Variants in TNC observed in about 807,000 individuals in gnomAD.
TNC encodes the protein tenascin C.
Under a neutral mutation model 202.4 loss-of-function variants are expected in TNC, and 109 were observed. The observed-to-expected ratio is 0.54, with a 90% CI of 0.46 to 0.63. The LOEUF is 0.63. Among genes scored for constraint, TNC ranks in the 30% least tolerant of loss-of-function variants. The probability of loss-of-function intolerance (pLI) is 0.00; values close to 1 mark genes in which losing one functional copy is unlikely to be tolerated. For synonymous variants in TNC, 1,007 were observed against 1,089.7 expected (o/e 0.92, Z 1.50); for missense variants, 2,756 against 2,833.3 (o/e 0.97, Z 0.62).
intron 6 of TNC, among the ~76,000 whole-genome samples, chr9:115,078,751 A>C (rs1391030455): frequency 2.0e-5 from 3 of 152,164 alleles, no homozygotes; most frequent in Non-Finnish European, 4.4e-5. Context: ...AGTCATTGCT[A>C]TTTCAAGCCT....
At chr9:115,034,297 C>T (rs1830156717) in intron 22 of TNC, among the ~76,000 whole-genome samples, 2 of 152,242 alleles carry the variant, frequency 1.3e-5, no homozygotes, top group Non-Finnish European at 2.9e-5. Context: ...ACTGTGGGTA[C>T]TTGCCCAATC....
In TNC at chr9:115,086,723, G is replaced by A. The variant is rs1834773029; in HGVS notation, c.1008C>T (p.Phe336=). The A allele has an allele frequency of 6.2e-7, 1 of 1,613,924 alleles. No homozygotes were observed. Among genetic ancestry groups the A allele is most frequent in the African/African-American group, 1.3e-5 (1 of 74,948 alleles). The stretch of plus-strand genomic sequence containing the variant: ...TGGGTTTCCCGCAGTCTTCACCTGT[G>A]AAGCCTTCTTCGCAGTAGCAGGTGC... ...INGTCYCEEG[F]TGEDCGKPTC... is the part of the protein sequence containing the mutation. Residue 336 remains phenylalanine, a synonymous_variant, in exon 3 of 28, where the codon TTC becomes TTT. Transcript: ENST00000350763.
intron 1 of TNC, among the ~76,000 whole-genome samples, chr9:115,113,366 C>CATTGTGCAT (rs1837224245): frequency 6.6e-6 from 1 of 152,198 alleles, no homozygotes; most frequent in South Asian, 2.1e-4. Context: ...TTCAGCCTTA[C>CATTGTGCAT]ATTGTGCATA....
At position 115,057,407 on chromosome 9, in the gene TNC, C is replaced by A. The variant is rs375447277; in HGVS notation, c.4325G>T (p.Gly1442Val). 21 of 1,609,480 alleles carry A rather than the reference C, an allele frequency of 1.3e-5. No homozygotes were observed. The African/African-American group carries it at 2.7e-4, about 20-fold the overall frequency. Reference sequence around the variant, plus strand: ...AGTTATGTCAGAAACATTTAAGTTTCCAATTTCAGGTTCTTTGGCTGTAAA... The same window carrying A: ...AGTTATGTCAGAAACATTTAAGTTTACAATTTCAGGTTCTTTGGCTGTAAA... ...EASTAKEPEI[G>V]NLNVSDITPE... The change falls in exon 15 of 28, where the codon GGA (glycine) becomes GTA (valine). Residue 1442 changes from glycine to valine, a missense_variant. Physicochemically the swap from Gly to Val is moderately radical, Grantham distance 109. This residue lies in a region of TNC where 2,559 missense variants were observed against 2,546.0 expected (regional missense o/e 1.01). Coordinates refer to ENST00000350763, the MANE Select transcript of TNC (RefSeq NM_002160.4).
intron 1 of TNC, among the ~76,000 whole-genome samples, chr9:115,112,078 A>T (rs1156557825): frequency 6.6e-6 from 1 of 152,206 alleles, no homozygotes; most frequent in Non-Finnish European, 1.5e-5. Context: ...GATACTAGTC[A>T]TCCTTGGCTC....
chr9:115,079,841 A>T (rs542848447), intron 6 of TNC, among the ~76,000 whole-genome samples: 2 of 152,228 alleles, frequency 1.3e-5, no homozygotes, highest in South Asian at 4.1e-4. Context: ...TATTGACCTC[A>T]AAAGTAAGTA....
chr9:115,050,310 G>A (rs1831548991), intron 15 of TNC, among the ~76,000 whole-genome samples: 1 of 152,088 alleles, frequency 6.6e-6, no homozygotes, highest in Admixed American at 6.5e-5. Context: ...GATTAGCTGA[G>A]ACAATGCTGT....
In TNC at chr9:115,038,430, G is replaced by A. The variant is rs200117988; in HGVS notation, c.5393-50C>T. ...AGGGAAGTCATTGGGTGGGACATCA[G>A]ACTCTAGCTGCTCTGCTGTCCACAC... On this transcript the variant is annotated intron_variant, in intron 19 of 27. Coordinates refer to ENST00000350763, the MANE Select transcript of TNC (RefSeq NM_002160.4). 1.1e-5 allele frequency: 18 copies of A among 1,602,042 alleles called. No homozygotes were observed. In the Admixed American group the frequency reaches 3.0e-4, roughly 27 times the overall value.
At position 115,019,898 on chromosome 9, in the gene TNC, T is replaced by C. The variant is rs1828956436; in HGVS notation, c.*1259A>G. The stretch of plus-strand genomic sequence containing the variant: ...TCTGGGGATCTTAGCCCATGTGTGG[T>C]AACAATACTTACCTCAACTATATCA... On this transcript the variant is annotated 3_prime_UTR_variant, in exon 28 of 28. Coordinates refer to ENST00000350763, the MANE Select transcript of TNC (RefSeq NM_002160.4). 1 of 152,212 alleles carries C rather than the reference T, an allele frequency of 6.6e-6. No individual in the cohort carries two copies. Among genetic ancestry groups the C allele is most frequent in the African/African-American group, 2.4e-5 (1 of 41,452 alleles). 9.4% of individuals were successfully genotyped at this position (152,212 alleles called of 1,614,324 possible).
At chr9:115,092,224 G>C (rs926586861) in intron 1 of TNC, among the ~76,000 whole-genome samples, 4 of 152,216 alleles carry the variant, frequency 2.6e-5, no homozygotes, top group African/African-American at 9.6e-5. Flanking sequence ...ATGGGAAAGG[G>C]AGGGTAAAAT....
chr9:115,079,982 C>T (rs1460563199), intron 6 of TNC, among the ~76,000 whole-genome samples: 2 of 152,102 alleles, frequency 1.3e-5, no homozygotes, highest in Non-Finnish European at 2.9e-5. Flanking sequence ...AAATTGTGGC[C>T]GGCCGTGGCG....
At chr9:115,062,866 A>G (rs774487938) in intron 13 of TNC, 51 bp downstream of exon 13, 3 of 1,573,002 alleles carry the variant, frequency 1.9e-6, no homozygotes, top group Middle Eastern at 4.4e-4. Context: ...CTCTATTTCA[A>G]TGACATGCTG....
At chr9:115,060,452 C>T (rs1554802213) in intron 13 of TNC, among the ~76,000 whole-genome samples, 3 of 152,218 alleles carry the variant, frequency 2.0e-5, no homozygotes, top group Non-Finnish European at 4.4e-5. Context: ...GCCACCCTCT[C>T]TTTACCTTTA....
At chr9:115,041,121 C>T in intron 18 of TNC, 37 bp from the exon 19 acceptor site, 2 of 1,585,102 alleles carry the variant, frequency 1.3e-6, no homozygotes, top group Admixed American at 1.8e-5. Context: ...GAATAATGAA[C>T]CTCACTGACA....
At chr9:115,048,906 G>A (rs111562316) in intron 15 of TNC, among the ~76,000 whole-genome samples, 2,029 of 151,090 alleles carry the variant, frequency 0.013, 49 homozygotes, top group African/African-American at 0.046. Context: ...TTTGGATCCC[G>A]TTGTCTACTT....
chr9:115,086,752 T>G lies in TNC; in HGVS notation c.979A>C (p.Asn327His), dbSNP rs759398232. The G allele has an allele frequency of 6.2e-7, 1 of 1,613,732 alleles. No homozygotes were observed. The highest frequency in any genetic ancestry group is 1.7e-5 in the Admixed American group (1 of 60,020). Residue 327 changes from asparagine to histidine, a missense_variant, in exon 3 of 28, where the codon AAT becomes CAT. By Grantham distance (68) the Asn-to-His change is moderately conservative. Coordinates refer to ENST00000350763, the MANE Select transcript of TNC (RefSeq NM_002160.4). Reference protein sequence around the residue: ...NDCFDRGRCINGTCYCEEGFT... With the variant: ...NDCFDRGRCIHGTCYCEEGFT... Reference sequence around the variant, plus strand: ...CCTTCTTCGCAGTAGCAGGTGCCATTGATGCAGCGGCCCCGGTCGAAGCAG... The same window carrying G: ...CCTTCTTCGCAGTAGCAGGTGCCATGGATGCAGCGGCCCCGGTCGAAGCAG...
intron 15 of TNC, chr9:115,055,367 G>A (rs1371636865): frequency 1.3e-5 from 2 of 152,588 alleles, no homozygotes; most frequent in Non-Finnish European, 2.9e-5. Context: ...TATCAAATTT[G>A]AGAAGGATTG....
At chr9:115,094,884 G>A (rs1835518458) in intron 1 of TNC, among the ~76,000 whole-genome samples, 1 of 150,970 alleles carries the variant, frequency 6.6e-6, no homozygotes. Context: ...TTTATGTGCT[G>A]GGGATGATGC....
At chr9:115,059,028 C>A (rs1008785257) in intron 14 of TNC, among the ~76,000 whole-genome samples, 1 of 152,184 alleles carries the variant, frequency 6.6e-6, no homozygotes, top group African/African-American at 2.4e-5. Flanking sequence ...ACATTCATAG[C>A]CCAGGACATT....
Sources: gnomAD v4.1 joint callset for allele counts (sites outside exome capture counted in the v4.1 genomes callset) on GRCh38, gnomAD v4.1.1 for gene constraint, gnomAD v4.1.1 regional missense constraint, MANE v1.5 for transcripts, NCBI Gene and HGNC (gene_info 2026-07-23, HGNC 2026-07-21) for gene names.